The following EPHA7 variants were observed in gnomAD, a reference collection of about 807,000 sequenced individuals.
EPHA7 encodes EPH receptor A7.
Under a neutral mutation model 112.6 loss-of-function variants are expected in EPHA7, and 25 were observed. The ratio of observed to expected loss-of-function variants is 0.22; its 90% CI spans 0.16 to 0.31. The LOEUF (loss-of-function observed/expected upper bound fraction) is 0.31, where lower values mean the gene tolerates loss of function less well. EPHA7 is among the 10% of genes least tolerant of loss of function. The pLI is 1.00. For synonymous variants in EPHA7, 437 were observed against 406.5 expected (o/e 1.07, Z -0.90); for missense variants, 962 against 1,212.6 (o/e 0.79, Z 3.07).
intron 5 of EPHA7, among the ~76,000 whole-genome samples, chr6:93,273,510 G>A (rs1771330633): frequency 6.6e-6 from 1 of 151,726 alleles, no homozygotes; most frequent in South Asian, 2.1e-4. Flanking sequence ...ATATTTTCTT[G>A]TATCAATGTC....
rs77519390 is a variant in EPHA7, at chr6:93,402,195, C to G, written c.832+8306G>C. On this transcript the variant is annotated intron_variant, in intron 3 of 16. Coordinates refer to ENST00000369303, the MANE Select transcript of EPHA7 (RefSeq NM_004440.4). ...TTCCGTATTTCCTTATGTTCTCCCC[C>G]CTTTCATCAGTTCTTTCTATCCTTC... Among the ~76,000 whole-genome samples, 762 of 152,056 alleles carry G rather than the reference C, an allele frequency of 5.0e-3. 9 individuals carry two copies. The highest frequency in any genetic ancestry group is 6.1e-3 in the Non-Finnish European group (411 of 67,886).
intron 7 of EPHA7, among the ~76,000 whole-genome samples, chr6:93,268,587 G>A (rs997311079): frequency 1.3e-5 from 2 of 151,698 alleles, no homozygotes; most frequent in African/African-American, 4.8e-5. Flanking sequence ...CCATGTGCCT[G>A]AGCAGTAACA....
At chr6:93,382,188 G>A (rs1777369874) in intron 3 of EPHA7, among the ~76,000 whole-genome samples, 1 of 152,080 alleles carries the variant, frequency 6.6e-6, no homozygotes. Flanking sequence ...TTGGTACCAG[G>A]GACTGGTTTT....
chr6:93,375,243 A>G (rs1439890660), intron 3 of EPHA7, among the ~76,000 whole-genome samples: 1 of 152,140 alleles, frequency 6.6e-6, no homozygotes, highest in Admixed American at 6.6e-5. Context: ...AATGGAAGAA[A>G]GTATGCCAAA....
chr6:93,372,523 G>T (rs752959587), intron 3 of EPHA7, among the ~76,000 whole-genome samples: 1 of 152,178 alleles, frequency 6.6e-6, no homozygotes, highest in South Asian at 2.1e-4. Context: ...GATTTTCCCA[G>T]ACTGAAATCC....
rs1769736630 is a variant in EPHA7 at position 93,242,584 on chromosome 6, A to G, written c.*842T>C. 9.5e-6 allele frequency: 2 copies of G among 211,622 alleles called. No individual in the cohort carries two copies. Among genetic ancestry groups the G allele is most frequent in the Admixed American group, 1.2e-4 (2 of 16,998 alleles). The allele number at this position is 211,622 out of a possible 1,614,324, so 13.1% of individuals were successfully genotyped here. A position where few individuals can be genotyped will look rare whatever the true frequency, so the allele number is the denominator to read the frequency against. The stretch of plus-strand genomic sequence containing the variant: ...GCCTCATTTGTTTATATACTCATAA[A>G]CCTAAACTTCGAGTTTATTAAATTC... On this transcript the variant is annotated 3_prime_UTR_variant, in exon 17 of 17. Transcript: ENST00000369303.
At chr6:93,359,864 GAGAGAGAGAGAGATAGATAGAT>G (rs757250255) in intron 3 of EPHA7, among the ~76,000 whole-genome samples, 8 of 109,774 alleles carry the variant, frequency 7.3e-5, no homozygotes, top group Non-Finnish European at 1.2e-4. Context: ...TAGAGAGAGA[GAGAGAGAGAGAGATAGATAGAT>G]AGATAGATAG....
Position 93,396,907 on chromosome 6 carries a change from G to A in EPHA7, c.832+13594C>T, listed in dbSNP as rs146357535. 9.6e-4 allele frequency among the ~76,000 whole-genome samples: 145 copies of A among 151,684 alleles called. 1 individual carries two copies. The highest frequency in any genetic ancestry group is 3.4e-3 in the African/African-American group (141 of 41,458). On this transcript the variant is annotated intron_variant, in intron 3 of 16. Coordinates refer to ENST00000369303, the MANE Select transcript of EPHA7 (RefSeq NM_004440.4). ...ATGTTAACCCTTTTGTTAGACTGTA[G>A]AGAAAAATATATGATAATATATTAT...
At chr6:93,383,182 A>AGT (rs375791862) in intron 3 of EPHA7, among the ~76,000 whole-genome samples, 2,296 of 151,572 alleles carry the variant, frequency 0.015, 49 homozygotes, top group African/African-American at 0.052. Flanking sequence ...ATTACACTGT[A>AGT]GTGTGTGTGT....
intron 5 of EPHA7, among the ~76,000 whole-genome samples, chr6:93,340,842 GAAA>G (rs200721214): frequency 1.3e-5 from 2 of 149,840 alleles, no homozygotes; most frequent in East Asian, 3.9e-4. Context: ...TACATTGAGA[GAAA>G]AAAAAACAAA....
In EPHA7 at chr6:93,297,170, A is replaced by G. The variant is rs1772716080; in HGVS notation, c.1325-24748T>C. On this transcript the variant is annotated intron_variant, in intron 5 of 16. Transcript: ENST00000369303. Reference sequence around the variant, plus strand: ...TACTGCAGACTGAGAAAGGCACTCTATATAATTACCTAATTTAATCCTCAA... The same window carrying G: ...TACTGCAGACTGAGAAAGGCACTCTGTATAATTACCTAATTTAATCCTCAA... 2.0e-5 allele frequency among the ~76,000 whole-genome samples: 3 copies of G among 152,052 alleles called. No individual in the cohort carries two copies. In the South Asian group the frequency reaches 6.2e-4, roughly 31 times the overall value.
intron 5 of EPHA7, among the ~76,000 whole-genome samples, chr6:93,289,493 G>A (rs1167626719): frequency 1.3e-4 from 20 of 151,776 alleles, no homozygotes; most frequent in Admixed American, 1.2e-3. Flanking sequence ...GAGTGGTGGC[G>A]AGCACCTGTA....
intron 3 of EPHA7, among the ~76,000 whole-genome samples, chr6:93,402,916 G>T (rs886356556): frequency 2.6e-5 from 4 of 151,988 alleles, no homozygotes; most frequent in African/African-American, 9.7e-5. Context: ...TAACAAGGGT[G>T]AAATGCCTTT....
At chr6:93,335,177 T>A (rs1477937589) in intron 5 of EPHA7, among the ~76,000 whole-genome samples, 2 of 152,138 alleles carry the variant, frequency 1.3e-5, no homozygotes, top group African/African-American at 4.8e-5. Flanking sequence ...CAGACCAGAA[T>A]GTATCCTTCA....
At chr6:93,409,530 C>T (rs1320473041) in intron 3 of EPHA7, 1 of 151,924 alleles carries the variant, frequency 6.6e-6, no homozygotes, top group African/African-American at 2.4e-5. Flanking sequence ...CAGTAGTCTC[C>T]TTTAGCTCAA....
intron 5 of EPHA7, among the ~76,000 whole-genome samples, chr6:93,354,986 A>G (rs185013883): frequency 6.6e-6 from 1 of 152,230 alleles, no homozygotes; most frequent in African/African-American, 2.4e-5. Flanking sequence ...CTTCCAAAAG[A>G]TAGCTCTTAT....
At chr6:93,362,818 A>G (rs1005036290) in intron 3 of EPHA7, among the ~76,000 whole-genome samples, 1 of 152,186 alleles carries the variant, frequency 6.6e-6, no homozygotes, top group African/African-American at 2.4e-5. Flanking sequence ...ATGAGGGCAC[A>G]GATACCCATA....
intron 16 of EPHA7, among the ~76,000 whole-genome samples, chr6:93,244,679 G>A (rs1359566093): frequency 6.6e-6 from 1 of 151,014 alleles, no homozygotes; most frequent in African/African-American, 2.4e-5. Context: ...TTTTTTTCAG[G>A]TTAAAAAAAA....
Position 93,304,888 on chromosome 6 carries a change from T to C in EPHA7, c.1325-32466A>G, listed in dbSNP as rs533138260. Among the ~76,000 whole-genome samples, 8 of 152,206 alleles carry C rather than the reference T, an allele frequency of 5.3e-5. No individual in the cohort carries two copies. The East Asian group carries it at 1.4e-3, about 26-fold the overall frequency. ...AAGATTCTTTCCTTAGATATGTACA[T>C]GGTTTGCTTCCTTTCCTCTTCTACA... is the stretch of plus-strand genomic sequence containing the variant. On this transcript the variant is annotated intron_variant, in intron 5 of 16. Transcript: ENST00000369303.
Sources: allele counts gnomAD v4.1 joint callset (sites outside exome capture counted in the v4.1 genomes callset), GRCh38; gene constraint gnomAD v4.1.1; transcripts MANE v1.5; gene names NCBI Gene and HGNC (gene_info 2026-07-23, HGNC 2026-07-21).